ZFPM2: variants seen among roughly 807,000 people sequenced by gnomAD.
The protein encoded by ZFPM2 is zinc finger protein, FOG family member 2, also known as zinc finger protein ZFPM2.
ZFPM2 carries 20 observed loss-of-function variants against 98.6 expected under a neutral mutation model. That is an observed-to-expected ratio of 0.20 (90% confidence interval 0.14 to 0.29). The LOEUF (loss-of-function observed/expected upper bound fraction) is 0.29, where lower values mean the gene tolerates loss of function less well. Among genes scored for constraint, ZFPM2 ranks in the 10% least tolerant of loss-of-function variants. The probability of loss-of-function intolerance (pLI) is 1.00; values close to 1 mark genes in which losing one functional copy is unlikely to be tolerated. For synonymous variants in ZFPM2, 518 were observed against 502.7 expected (o/e 1.03, Z -0.41); for missense variants, 1,310 against 1,388.6 (o/e 0.94, Z 0.90).
At chr8:105,327,303 AGAATT>A (rs1169648897) in intron 1 of ZFPM2, among the ~76,000 whole-genome samples, 1 of 151,770 alleles carries the variant, frequency 6.6e-6, no homozygotes, top group Non-Finnish European at 1.5e-5. Context: ...AATAGAGTGA[AGAATT>A]AATTACAAAA....
At chr8:105,795,343 C>T (rs528103514) in intron 6 of ZFPM2, among the ~76,000 whole-genome samples, 2 of 138,110 alleles carry the variant, frequency 1.4e-5, no homozygotes, top group East Asian at 4.3e-4. Context: ...AAGTCAGATT[C>T]CTGAATGTCA....
intron 5 of ZFPM2, among the ~76,000 whole-genome samples, chr8:105,651,627 TG>T (rs1439415071): frequency 2.6e-5 from 4 of 152,134 alleles, no homozygotes; most frequent in Non-Finnish European, 5.9e-5. Context: ...TTCTTTACCC[TG>T]TCCCCATAAG....
At chr8:105,427,593 A>G (rs1811940739) in intron 2 of ZFPM2, among the ~76,000 whole-genome samples, 1 of 152,164 alleles carries the variant, frequency 6.6e-6, no homozygotes, top group South Asian at 2.1e-4. Context: ...GCAATATTAA[A>G]GTGTTTGCCC....
chr8:105,692,379 G>A (rs1340168058), intron 5 of ZFPM2, among the ~76,000 whole-genome samples: 1 of 152,164 alleles, frequency 6.6e-6, no homozygotes, highest in African/African-American at 2.4e-5. Context: ...ATATCTATAT[G>A]TAGGGGGTGC....
intron 5 of ZFPM2, among the ~76,000 whole-genome samples, chr8:105,711,462 A>G (rs1429889415): frequency 6.6e-6 from 1 of 152,138 alleles, no homozygotes; most frequent in Admixed American, 6.6e-5. Flanking sequence ...CTGACTCTTA[A>G]GAGAATAATT....
intron 3 of ZFPM2, among the ~76,000 whole-genome samples, chr8:105,471,576 G>A (rs1812904040): frequency 6.6e-6 from 1 of 152,168 alleles, no homozygotes; most frequent in Non-Finnish European, 1.5e-5. Flanking sequence ...GTAGATTGTG[G>A]CTGGCCAAGC....
chr8:105,634,478 A>G lies in ZFPM2; in HGVS notation c.532+121A>G, dbSNP rs576274895. 4.9e-5 allele frequency: 39 copies of G among 793,018 alleles called. 1 individual carries two copies. The South Asian group carries it at 5.9e-4, about 12-fold the overall frequency. 49.1% of individuals were successfully genotyped at this position (793,018 alleles called of 1,614,324 possible). ...AAATTGATCCTCTTCCTTTTTTCCC[A>G]TTTGAGTTCCTCTAATGTGTATTTT... On this transcript the variant is annotated intron_variant, in intron 5 of 7. Transcript: ENST00000407775.
At chr8:105,760,385 C>T (rs988761322) in intron 5 of ZFPM2, among the ~76,000 whole-genome samples, 20 of 151,952 alleles carry the variant, frequency 1.3e-4, no homozygotes, top group Non-Finnish European at 2.8e-4. Flanking sequence ...CTAAGACTTC[C>T]CTTAACCAAC....
At chr8:105,638,631 C>CT in intron 5 of ZFPM2, among the ~76,000 whole-genome samples, 1 of 152,108 alleles carries the variant, frequency 6.6e-6, no homozygotes, top group Non-Finnish European at 1.5e-5. Context: ...AATGCCTTGA[C>CT]TGAGATTTTT....
rs570052528 is a variant in ZFPM2, at chr8:105,750,324, G to A, written c.533-38394G>A. 3.5e-3 allele frequency among the ~76,000 whole-genome samples: 531 copies of A among 152,104 alleles called. 1 individual carries two copies. The highest frequency in any genetic ancestry group is 6.4e-3 in the Non-Finnish European group (434 of 67,950). ...GCAACAAGCCCTGCTGCCTCCAAGG[G>A]TGTGGTCTTAGTTAATTGTATGTGT... On this transcript the variant is annotated intron_variant, in intron 5 of 7. Transcript: ENST00000407775.
intron 1 of ZFPM2, among the ~76,000 whole-genome samples, chr8:105,320,977 A>G (rs1454149435): frequency 6.6e-6 from 1 of 152,240 alleles, no homozygotes; most frequent in Non-Finnish European, 1.5e-5. Context: ...ATTTATATGC[A>G]TGTAATACTT....
chr8:105,360,187 G>A (rs117373949), intron 1 of ZFPM2, among the ~76,000 whole-genome samples: 10 of 152,278 alleles, frequency 6.6e-5, no homozygotes, highest in Middle Eastern at 3.4e-3. Context: ...TCTCTGTACC[G>A]AATTATTATC....
At chr8:105,573,705 G>A (rs189934201) in intron 4 of ZFPM2, among the ~76,000 whole-genome samples, 3 of 152,234 alleles carry the variant, frequency 2.0e-5, no homozygotes, top group Admixed American at 6.5e-5. Context: ...CAAAAATTTG[G>A]TGGGAATTGG....
intron 3 of ZFPM2, among the ~76,000 whole-genome samples, chr8:105,529,356 T>C (rs1586438488): frequency 6.6e-6 from 1 of 152,278 alleles, no homozygotes; most frequent in Non-Finnish European, 1.5e-5. Context: ...GGGCACAGTT[T>C]AGTTCATAAC....
chr8:105,516,013 G>T (rs568153520), intron 3 of ZFPM2, among the ~76,000 whole-genome samples: 1 of 149,058 alleles, frequency 6.7e-6, no homozygotes, highest in South Asian at 2.1e-4. Context: ...TGCCTTCCGG[G>T]TCTCCGGGTC....
chr8:105,606,981 G>A (rs1431371746), intron 4 of ZFPM2, among the ~76,000 whole-genome samples: 3 of 152,078 alleles, frequency 2.0e-5, no homozygotes. Flanking sequence ...CCTCAGCTAT[G>A]CTGTCCTTGG....
At chr8:105,533,178 C>G (rs1223008714) in intron 3 of ZFPM2, among the ~76,000 whole-genome samples, 1 of 152,162 alleles carries the variant, frequency 6.6e-6, no homozygotes, top group Non-Finnish European at 1.5e-5. Context: ...TTAAGTCCCA[C>G]TGGAGCAAAG....
At chr8:105,793,010 A>G (rs1024800899) in intron 6 of ZFPM2, among the ~76,000 whole-genome samples, 1 of 152,102 alleles carries the variant, frequency 6.6e-6, no homozygotes, top group Admixed American at 6.5e-5. Context: ...CCTGAATACA[A>G]CACACTGATG....
At chr8:105,346,793 C>T (rs191380243) in intron 1 of ZFPM2, among the ~76,000 whole-genome samples, 8 of 152,144 alleles carry the variant, frequency 5.3e-5, no homozygotes, top group African/African-American at 1.9e-4. Context: ...TTTCATAGCT[C>T]CATTTTGTCA....
Sources: allele counts gnomAD v4.1 joint callset (sites outside exome capture counted in the v4.1 genomes callset), GRCh38; gene constraint gnomAD v4.1.1; transcripts MANE v1.5; gene names NCBI Gene and HGNC (gene_info 2026-07-23, HGNC 2026-07-21).